The following TRIM49D1 variants were observed in gnomAD, a reference collection of about 807,000 sequenced individuals.
The protein encoded by TRIM49D1 is tripartite motif-containing protein 49D.
chr11:89,920,929 G>A (rs1053568877), intron 1 of TRIM49D1, among the ~76,000 whole-genome samples: 9 of 151,890 alleles, frequency 5.9e-5, no homozygotes, highest in African/African-American at 1.9e-4. Context: ...ATAGAGTCAG[G>A]GTATGGCTCT....
At chr11:89,920,612 C>T (rs996830118) in intron 1 of TRIM49D1, 103 bp from the exon 2 acceptor site, 8 of 358,464 alleles carry the variant, frequency 2.2e-5, no homozygotes, top group Non-Finnish European at 4.0e-5. Flanking sequence ...ATCATCACTC[C>T]TTAAAAAACC....
chr11:89,920,977 A>G (rs1321998527), intron 1 of TRIM49D1, among the ~76,000 whole-genome samples: 1 of 152,046 alleles, frequency 6.6e-6, no homozygotes, highest in Non-Finnish European at 1.5e-5. Flanking sequence ...TCTTCAAGTA[A>G]TCCTCTGGTC....
At position 89,922,148 on chromosome 11, in the gene TRIM49D1, T is replaced by G. The variant is rs1264087945; in HGVS notation, c.-512A>C. The stretch of plus-strand genomic sequence containing the variant: ...TGTTCCACTGGTCTATGTGCCTATT[T>G]TTGTACCAGTACCATGCTGTTTTGG... On this transcript the variant is annotated 5_prime_UTR_variant, in exon 1 of 8. Transcript: ENST00000420869. 1.3e-5 allele frequency among the ~76,000 whole-genome samples: 2 copies of G among 151,990 alleles called. No homozygotes were observed. Among genetic ancestry groups the G allele is most frequent in the African/African-American group, 2.4e-5 (1 of 41,322 alleles).
Position 89,911,618 on chromosome 11 carries a change from AGAG to A in TRIM49D1, c.1325_1327del (p.Pro442del), listed in dbSNP as rs1304524363. Reference sequence around the variant, plus strand: ...GTGAACACAGCAAAAGATAGGCCTGAGAGGAGGTGAGAAGGAGCAATTAGGGAT... The same window carrying A: ...GTGAACACAGCAAAAGATAGGCCTGAGAGGTGAGAAGGAGCAATTAGGGAT... On this transcript the variant is annotated inframe_deletion, in exon 8 of 8. Transcript: ENST00000420869. 5 of 925,920 alleles carry A rather than the reference AGAG, an allele frequency of 5.4e-6. No homozygotes were observed. The East Asian group carries it at 1.5e-4, about 28-fold the overall frequency. The allele number at this position is 925,920 out of a possible 1,614,324, so 57.4% of individuals were successfully genotyped here. A position where few individuals can be genotyped will look rare whatever the true frequency, so the allele number is the denominator to read the frequency against.
intron 7 of TRIM49D1, among the ~76,000 whole-genome samples, chr11:89,912,818 AC>A (rs1950322785): frequency 1.7e-4 from 1 of 5,838 alleles, no homozygotes; most frequent in African/African-American, 7.0e-4. Flanking sequence ...TCTCCAGTGA[AC>A]TATATTCCCC....
chr11:89,920,393 A>G lies in TRIM49D1; in HGVS notation c.-99T>C, dbSNP rs561273538. On this transcript the variant is annotated 5_prime_UTR_variant, in exon 2 of 8. Transcript: ENST00000420869. ...CAGGAGCTCATTCGCCGCAGTACTG[A>G]GTTTCAGAGGTCACCAAAACACAGC... 7 of 199,700 alleles carry G rather than the reference A, an allele frequency of 3.5e-5. No homozygotes were observed. The South Asian group carries it at 4.7e-4, about 13-fold the overall frequency. The allele number at this position is 199,700 out of a possible 1,614,324, so 12.4% of individuals were successfully genotyped here.
rs1289105367 is a variant in TRIM49D1, at chr11:89,922,183, A to G, written c.-547T>C. Among the ~76,000 whole-genome samples the G allele has an allele frequency of 1.3e-5, 2 of 151,930 alleles. No individual in the cohort carries two copies. Among genetic ancestry groups the G allele is most frequent in the African/African-American group, 4.8e-5 (2 of 41,278 alleles). The stretch of plus-strand genomic sequence containing the variant: ...TACCATGCTGTTTTGGTGATGAATA[A>G]AGGCCTGGAGTATGGGGATGTAATG... On this transcript the variant is annotated 5_prime_UTR_variant, in exon 1 of 8. Coordinates refer to ENST00000420869, the MANE Select transcript of TRIM49D1 (RefSeq NM_001384911.1).
intron 1 of TRIM49D1, among the ~76,000 whole-genome samples, chr11:89,921,457 G>C (rs1467730318): frequency 6.6e-6 from 1 of 152,006 alleles, no homozygotes; most frequent in Non-Finnish European, 1.5e-5. Flanking sequence ...TATTCTGACA[G>C]AGGAATTCTT....
chr11:89,921,100 C>A (rs1950329434), intron 1 of TRIM49D1, among the ~76,000 whole-genome samples: 1 of 152,012 alleles, frequency 6.6e-6, no homozygotes, highest in Non-Finnish European at 1.5e-5. Context: ...GAAGATAAAA[C>A]TTTTTTTGTT....
rs541370240 is a variant in TRIM49D1, at chr11:89,920,332, C to T, written c.-38G>A. The T allele has an allele frequency of 0.033, 8,032 of 242,820 alleles. 180 individuals are homozygous for T. The highest frequency in any genetic ancestry group is 0.04 in the Non-Finnish European group (5,907 of 146,264). The allele number at this position is 242,820 out of a possible 1,614,324, so 15.0% of individuals were successfully genotyped here. A position where few individuals can be genotyped will look rare whatever the true frequency, so the allele number is the denominator to read the frequency against. On this transcript the variant is annotated 5_prime_UTR_variant, in exon 2 of 8. Transcript: ENST00000420869. ...TCTTTGAAGGGTTCCCACAATGATT[C>T]TTCGAGAAATAATTCTGTTAAGTAC...
chr11:89,921,875 G>T lies in TRIM49D1; in HGVS notation c.-239C>A, dbSNP rs1306840662. On this transcript the variant is annotated 5_prime_UTR_variant, in exon 1 of 8. Coordinates refer to ENST00000420869, the MANE Select transcript of TRIM49D1 (RefSeq NM_001384911.1). The stretch of plus-strand genomic sequence containing the variant: ...ACCTGAGTACACTTGCTAGTTACAA[G>T]AGCAGGACCTTTCGTTACATCTGCA... 6.6e-6 allele frequency: 1 copy of T among 152,080 alleles called. No individual in the cohort carries two copies. Among genetic ancestry groups the T allele is most frequent in the African/African-American group, 2.4e-5 (1 of 41,364 alleles). The allele number at this position is 152,080 out of a possible 1,614,324, so 9.4% of individuals were successfully genotyped here. A position where few individuals can be genotyped will look rare whatever the true frequency, so the allele number is the denominator to read the frequency against.
intron 1 of TRIM49D1, among the ~76,000 whole-genome samples, chr11:89,921,072 C>T (rs1324675228): frequency 2.0e-5 from 3 of 152,018 alleles, no homozygotes; most frequent in Admixed American, 1.3e-4. Context: ...ATAGGATATT[C>T]GAAGAGAAGT....
rs555526918 is a variant in TRIM49D1 at position 89,921,943 on chromosome 11, A to T, written c.-307T>A. Among the ~76,000 whole-genome samples, 21 of 152,138 alleles carry T rather than the reference A, an allele frequency of 1.4e-4. No individual in the cohort carries two copies. The highest frequency in any genetic ancestry group is 4.6e-4 in the African/African-American group (19 of 41,442). ...GTCCTACGTGAGTGTTTCATTGAAT[A>T]ACAATAAGAAAGTTTGTCTATGCCA... is the stretch of plus-strand genomic sequence containing the variant. On this transcript the variant is annotated 5_prime_UTR_variant, in exon 1 of 8. Coordinates refer to ENST00000420869, the MANE Select transcript of TRIM49D1 (RefSeq NM_001384911.1).
intron 1 of TRIM49D1, among the ~76,000 whole-genome samples, chr11:89,920,940 G>T (rs1950328208): frequency 1.3e-5 from 2 of 152,040 alleles, no homozygotes; most frequent in Non-Finnish European, 2.9e-5. Context: ...GTATGGCTCT[G>T]TAGCCCAGGC....
rs1188042446 is a variant in TRIM49D1 at position 89,920,304 on chromosome 11, G to T, written c.-10C>A. ...TCAATATAAGTTTCACTCACCGCTGGGTTCTTTGAAGGGTTCCCACAATGA... is the reference window on the plus strand; with the variant it reads ...TCAATATAAGTTTCACTCACCGCTGTGTTCTTTGAAGGGTTCCCACAATGA... On this transcript the variant is annotated 5_prime_UTR_variant, in exon 2 of 8. Transcript: ENST00000420869. 4.2e-6 allele frequency: 1 copy of T among 239,080 alleles called. No homozygotes were observed. Among genetic ancestry groups the T allele is most frequent in the African/African-American group, 5.5e-5 (1 of 18,258 alleles). 14.8% of individuals were successfully genotyped at this position (239,080 alleles called of 1,614,324 possible). A position where few individuals can be genotyped will look rare whatever the true frequency, so the allele number is the denominator to read the frequency against.
rs1205005329 is a variant in TRIM49D1 at position 89,921,872 on chromosome 11, C to A, written c.-236G>T. The A allele has an allele frequency of 2.6e-5, 4 of 152,080 alleles. No homozygotes were observed. Among genetic ancestry groups the A allele is most frequent in the Non-Finnish European group, 5.9e-5 (4 of 68,032 alleles). The allele number at this position is 152,080 out of a possible 1,614,324, so 9.4% of individuals were successfully genotyped here. A position where few individuals can be genotyped will look rare whatever the true frequency, so the allele number is the denominator to read the frequency against. Reference sequence around the variant, plus strand: ...CTTACCTGAGTACACTTGCTAGTTACAAGAGCAGGACCTTTCGTTACATCT... The same window carrying A: ...CTTACCTGAGTACACTTGCTAGTTAAAAGAGCAGGACCTTTCGTTACATCT... On this transcript the variant is annotated 5_prime_UTR_variant, in exon 1 of 8. Coordinates refer to ENST00000420869, the MANE Select transcript of TRIM49D1 (RefSeq NM_001384911.1).
In TRIM49D1 at chr11:89,921,178, T is replaced by A. The variant is rs574904267; in HGVS notation, c.-215-669A>T. On this transcript the variant is annotated intron_variant, in intron 1 of 7. Transcript: ENST00000420869. Reference sequence around the variant, plus strand: ...TACTAATTTGAGGTCTCTTACTGAATTTACAAACCTTTGCCAATCTCGTGG... The same window carrying A: ...TACTAATTTGAGGTCTCTTACTGAAATTACAAACCTTTGCCAATCTCGTGG... Among the ~76,000 whole-genome samples the A allele has an allele frequency of 2.6e-5, 4 of 152,208 alleles. No homozygotes were observed. In the East Asian group the frequency reaches 7.7e-4, roughly 29 times the overall value.
chr11:89,921,204 G>A (rs1161520358), intron 1 of TRIM49D1, among the ~76,000 whole-genome samples: 2 of 151,992 alleles, frequency 1.3e-5, no homozygotes, highest in African/African-American at 4.8e-5. Flanking sequence ...AATCTCGTGG[G>A]TGAAATACGA....
rs566847746 is a variant in TRIM49D1, at chr11:89,921,907, C to T, written c.-271G>A. ...ACCTTTCGTTACATCTGCAAAATAC[C>T]TTCCCAGTAGGTCCTACGTGAGTGT... is the stretch of plus-strand genomic sequence containing the variant. On this transcript the variant is annotated 5_prime_UTR_variant, in exon 1 of 8. Coordinates refer to ENST00000420869, the MANE Select transcript of TRIM49D1 (RefSeq NM_001384911.1). 9 of 152,182 alleles carry T rather than the reference C, an allele frequency of 5.9e-5. No homozygotes were observed. The South Asian group carries it at 8.3e-4, about 14-fold the overall frequency. The allele number at this position is 152,182 out of a possible 1,614,324, so 9.4% of individuals were successfully genotyped here. A position where few individuals can be genotyped will look rare whatever the true frequency, so the allele number is the denominator to read the frequency against.
Sources: gnomAD v4.1 joint callset for allele counts (sites outside exome capture counted in the v4.1 genomes callset) on GRCh38, gnomAD v4.1.1 for gene constraint, MANE v1.5 for transcripts, NCBI Gene and HGNC (gene_info 2026-07-23, HGNC 2026-07-21) for gene names.